GRIN2B: variants seen among roughly 807,000 people sequenced by gnomAD.
GRIN2B encodes the protein glutamate receptor ionotropic, NMDA 2B.
Under a neutral mutation model 114.5 loss-of-function variants are expected in GRIN2B, and 5 were observed. That is an observed-to-expected ratio of 0.04 (90% CI 0.02 to 0.09). The LOEUF is 0.09. Ranked by LOEUF, GRIN2B falls within the 10% of genes least tolerant of loss-of-function variation. The probability of loss-of-function intolerance (pLI) is 1.00; values close to 1 mark genes in which losing one functional copy is unlikely to be tolerated. For synonymous variants in GRIN2B, 787 were observed against 745.1 expected (o/e 1.06, Z -0.92); for missense variants, 1,108 against 1,943.5 (o/e 0.57, Z 8.08).
At chr12:13,601,790 G>A (rs186194414) in intron 10 of GRIN2B, among the ~76,000 whole-genome samples, 19 of 152,244 alleles carry the variant, frequency 1.2e-4, no homozygotes, top group African/African-American at 3.1e-4. Flanking sequence ...CATCAACTCC[G>A]GGTCATCTGC....
intron 2 of GRIN2B, among the ~76,000 whole-genome samples, chr12:13,971,507 G>A (rs893922176): frequency 3.9e-5 from 6 of 152,152 alleles, no homozygotes; most frequent in South Asian, 2.1e-4. Context: ...TCCTCTGCGT[G>A]CCTTTAATAT....
At chr12:13,817,649 G>T (rs779093606) in intron 3 of GRIN2B, among the ~76,000 whole-genome samples, 1 of 152,160 alleles carries the variant, frequency 6.6e-6, no homozygotes, top group Non-Finnish European at 1.5e-5. Flanking sequence ...AAAATTTGCT[G>T]ATTGGAGAAT....
chr12:13,543,295 C>T lies in GRIN2B; in HGVS notation c.*19488G>A, dbSNP rs1948304560. The T allele has an allele frequency of 6.6e-6, 1 of 152,292 alleles. No individual in the cohort carries two copies. Among genetic ancestry groups the T allele is most frequent in the Non-Finnish European group, 1.5e-5 (1 of 68,064 alleles). The allele number at this position is 152,292 out of a possible 1,614,324, so 9.4% of individuals were successfully genotyped here. A position where few individuals can be genotyped will look rare whatever the true frequency, so the allele number is the denominator to read the frequency against. ...TCAAGCATCCACCTCTCCAACCCAC[C>T]TCCTAATTTCTACGTTATTGCTTCT... On this transcript the variant is annotated 3_prime_UTR_variant, in exon 14 of 14. Transcript: ENST00000609686.
rs547969093 is a variant in GRIN2B at position 13,880,225 on chromosome 12, T to G, written c.-18-13999A>C. ...GCTGGACTAAAGAGCACCGAGGGTA[T>G]CTGAGGAAAGGAGCCAAAATACAAA... is the stretch of plus-strand genomic sequence containing the variant. On this transcript the variant is annotated intron_variant, in intron 2 of 13. Transcript: ENST00000609686. 1.1e-4 allele frequency among the ~76,000 whole-genome samples: 16 copies of G among 152,282 alleles called. No homozygotes were observed. The East Asian group carries it at 3.1e-3, about 29-fold the overall frequency.
At chr12:13,956,445 G>C (rs956678316) in intron 2 of GRIN2B, among the ~76,000 whole-genome samples, 2 of 152,130 alleles carry the variant, frequency 1.3e-5, no homozygotes, top group Non-Finnish European at 2.9e-5. Context: ...AGAAAATTTT[G>C]CAAAAATCTC....
At chr12:13,796,823 T>C (rs1315495066) in intron 3 of GRIN2B, among the ~76,000 whole-genome samples, 1 of 152,190 alleles carries the variant, frequency 6.6e-6, no homozygotes, top group South Asian at 2.1e-4. Context: ...AGAAATTAGA[T>C]GTTTTCTAAG....
chr12:13,754,944 A>G (rs999106913), intron 3 of GRIN2B, among the ~76,000 whole-genome samples: 4 of 151,988 alleles, frequency 2.6e-5, no homozygotes, highest in Non-Finnish European at 4.4e-5. Flanking sequence ...TTTTCTCTCT[A>G]CCTTTAGCTA....
chr12:13,865,980 C>T lies in GRIN2B; in HGVS notation c.229G>A (p.Asp77Asn), dbSNP rs1025039158. The T allele has an allele frequency of 6.2e-7, 1 of 1,613,986 alleles. No individual in the cohort carries two copies. The highest frequency in any genetic ancestry group is 8.5e-7 in the Non-Finnish European group (1 of 1,179,938). The part of the protein sequence containing the change: ...RVELVAMNET[D>N]PKSIITRICD... The stretch of plus-strand genomic sequence containing the variant: ...ATGCGGGTGATGATGCTCTTTGGGT[C>T]GGTCTCATTCATGGCTACCAGTTCC... Residue 77 changes from aspartate (D) to asparagine (N), a missense_variant, in exon 3 of 14, where the codon GAC becomes AAC. Coordinates refer to ENST00000609686, the MANE Select transcript of GRIN2B (RefSeq NM_000834.5).
At chr12:13,892,619 G>T (rs1003221778) in intron 2 of GRIN2B, among the ~76,000 whole-genome samples, 1 of 152,138 alleles carries the variant, frequency 6.6e-6, no homozygotes. Flanking sequence ...ACTTAGCTTT[G>T]CAGAAGTGGT....
At chr12:13,676,673 G>A (rs1425926657) in intron 4 of GRIN2B, among the ~76,000 whole-genome samples, 3 of 152,106 alleles carry the variant, frequency 2.0e-5, no homozygotes, top group Non-Finnish European at 2.9e-5. Context: ...TAACAGAGGT[G>A]GCATGTAGGA....
At chr12:13,979,373 C>T (rs1421078860) in intron 2 of GRIN2B, among the ~76,000 whole-genome samples, 1 of 151,942 alleles carries the variant, frequency 6.6e-6, no homozygotes, top group African/African-American at 2.4e-5. Context: ...CCCTTGTCAA[C>T]CCTTTAGACA....
chr12:13,928,120 G>A (rs1591626448), intron 2 of GRIN2B, among the ~76,000 whole-genome samples: 2 of 151,972 alleles, frequency 1.3e-5, no homozygotes, highest in Middle Eastern at 6.8e-3. Flanking sequence ...AGACCAGCCT[G>A]GCCAACATGG....
At chr12:13,665,325 A>G (rs1205389648) in intron 5 of GRIN2B, among the ~76,000 whole-genome samples, 2 of 152,030 alleles carry the variant, frequency 1.3e-5, no homozygotes, top group East Asian at 3.9e-4. Context: ...TGAAATAGCC[A>G]GTCACAGTCT....
At chr12:13,888,153 T>C (rs778380510) in intron 2 of GRIN2B, among the ~76,000 whole-genome samples, 1 of 152,168 alleles carries the variant, frequency 6.6e-6, no homozygotes, top group Admixed American at 6.5e-5. Context: ...AAAATCAATA[T>C]ACGGCCATGT....
chr12:13,613,122 C>T (rs1355452631), intron 8 of GRIN2B, among the ~76,000 whole-genome samples: 7 of 152,112 alleles, frequency 4.6e-5, no homozygotes, highest in Admixed American at 4.6e-4. Context: ...GCTAGAGATG[C>T]GAGCGTAAGA....
chr12:13,728,947 A>G (rs1460353005), intron 4 of GRIN2B, among the ~76,000 whole-genome samples: 2 of 152,156 alleles, frequency 1.3e-5, no homozygotes, highest in East Asian at 1.9e-4. Context: ...AAATTATTCA[A>G]AAGAAACCCT....
chr12:13,639,579 C>T (rs960275701), intron 5 of GRIN2B, among the ~76,000 whole-genome samples: 12 of 152,046 alleles, frequency 7.9e-5, no homozygotes, highest in African/African-American at 2.9e-4. Context: ...CTTTTTATCT[C>T]CTGAAAATTC....
chr12:13,787,213 G>A (rs941369548), intron 3 of GRIN2B, among the ~76,000 whole-genome samples: 1 of 152,212 alleles, frequency 6.6e-6, no homozygotes, highest in African/African-American at 2.4e-5. Context: ...TTAAGTCTAT[G>A]AGAAGCCCCT....
chr12:13,587,458 G>A (rs946967289), intron 10 of GRIN2B, among the ~76,000 whole-genome samples: 6 of 151,596 alleles, frequency 4.0e-5, no homozygotes, highest in Admixed American at 6.6e-5. Context: ...GGGCTCAAGC[G>A]ATCTTCCCAC....
Sources: allele counts gnomAD v4.1 joint callset (sites outside exome capture counted in the v4.1 genomes callset), GRCh38; gene constraint gnomAD v4.1.1; transcripts MANE v1.5; gene names NCBI Gene and HGNC (gene_info 2026-07-23, HGNC 2026-07-21).